Variants in AQP11 observed in about 807,000 individuals in gnomAD.
AQP11 encodes the protein aquaporin-11.
In AQP11, 20 loss-of-function variants were observed where a neutral mutation model predicts 21.1. The observed-to-expected ratio is 0.95, with a 90% CI of 0.67 to 1.38. AQP11 has a LOEUF of 1.38. Ranked by LOEUF, AQP11 falls within the 40% of genes most tolerant of loss-of-function variation. AQP11 has a pLI of 0.00. For missense variants in AQP11, 339 were observed against 340.4 expected (o/e 1.00, Z 0.03); for synonymous variants, 167 against 150.1 (o/e 1.11, Z -0.82).
At chr11:77,594,026 G>A (rs1263804427) in intron 1 of AQP11, among the ~76,000 whole-genome samples, 32 of 152,188 alleles carry the variant, frequency 2.1e-4, no homozygotes, top group Admixed American at 2.1e-3. Flanking sequence ...CATAGAGACA[G>A]AAAGTAGAAT....
chr11:77,603,768 G>A lies in AQP11; in HGVS notation c.736+96G>A, dbSNP rs1958829106. On this transcript the variant is annotated intron_variant, in intron 2 of 2. Coordinates refer to ENST00000313578, the MANE Select transcript of AQP11 (RefSeq NM_173039.3). ...TAACATGTCAATTTCCAAAGCCACA[G>A]CAGGCACAAAACAGAAAATGAAAAA... The A allele has an allele frequency of 6.8e-6, 6 of 880,178 alleles. No individual in the cohort carries two copies. In the South Asian group the frequency reaches 1.2e-4, roughly 18 times the overall value. The allele number at this position is 880,178 out of a possible 1,614,324, so 54.5% of individuals were successfully genotyped here. A position where few individuals can be genotyped will look rare whatever the true frequency, so the allele number is the denominator to read the frequency against.
intron 1 of AQP11, among the ~76,000 whole-genome samples, chr11:77,596,537 A>ATATATATATATAT (rs1958782852): frequency 4.6e-5 from 4 of 86,572 alleles, no homozygotes; most frequent in Admixed American, 1.4e-4. Flanking sequence ...TATATATGTA[A>ATATATATATATAT]ATATATATAT....
At chr11:77,604,119 T>G (rs1234446351) in intron 2 of AQP11, among the ~76,000 whole-genome samples, 4 of 152,212 alleles carry the variant, frequency 2.6e-5, no homozygotes, top group African/African-American at 4.8e-5. Context: ...GTTTTTGTTT[T>G]GTTTTTTTTC....
chr11:77,591,446 T>C lies in AQP11; in HGVS notation c.619+835T>C, dbSNP rs530337450. 4.7e-5 allele frequency: 24 copies of C among 510,772 alleles called. No individual in the cohort carries two copies. The East Asian group carries it at 3.6e-3, about 77-fold the overall frequency. 31.6% of individuals were successfully genotyped at this position (510,772 alleles called of 1,614,324 possible). A position where few individuals can be genotyped will look rare whatever the true frequency, so the allele number is the denominator to read the frequency against. On this transcript the variant is annotated intron_variant, in intron 1 of 2. Coordinates refer to ENST00000313578, the MANE Select transcript of AQP11 (RefSeq NM_173039.3). ...GGACTACATCTAAATTATAAAAGAC[T>C]GTGGAGGCAGAAATAACAACAAAGG...
At chr11:77,591,445 CTG>C (rs1958747010) in intron 1 of AQP11, 1 of 513,126 alleles carries the variant, frequency 1.9e-6, no homozygotes, top group Non-Finnish European at 2.5e-6. Context: ...TTATAAAAGA[CTG>C]TGGAGGCAGA....
At chr11:77,592,393 GA>G (rs1390519390) in intron 1 of AQP11, among the ~76,000 whole-genome samples, 1 of 152,182 alleles carries the variant, frequency 6.6e-6, no homozygotes, top group Non-Finnish European at 1.5e-5. Flanking sequence ...CCCTGTATAT[GA>G]ACAGAATTGT....
At chr11:77,600,213 C>T (rs1958807892) in intron 1 of AQP11, among the ~76,000 whole-genome samples, 1 of 151,576 alleles carries the variant, frequency 6.6e-6, no homozygotes, top group African/African-American at 2.4e-5. Flanking sequence ...AGGCGATACA[C>T]CCACCTCGCC....
intron 2 of AQP11, among the ~76,000 whole-genome samples, chr11:77,607,617 G>T (rs1255362472): frequency 1.3e-5 from 2 of 151,974 alleles, no homozygotes; most frequent in Non-Finnish European, 2.9e-5. Context: ...TGTATATGTG[G>T]CCTGGTGTAG....
chr11:77,591,252 A>AT, intron 1 of AQP11: 1 of 972,046 alleles, frequency 1.0e-6, no homozygotes, highest in East Asian at 1.1e-4. Context: ...TGCTTTTTAA[A>AT]ATATAACTCT....
chr11:77,607,220 A>G (rs1451393188), intron 2 of AQP11, among the ~76,000 whole-genome samples: 1 of 152,246 alleles, frequency 6.6e-6, no homozygotes, highest in Non-Finnish European at 1.5e-5. Flanking sequence ...AATTGGCTCC[A>G]AATGAAATAA....
Position 77,609,048 on chromosome 11 carries a change from GTGTTTAAGGA to G in AQP11, c.737-248_737-239del, listed in dbSNP as rs1958862337. On this transcript the variant is annotated intron_variant, in intron 2 of 2. Transcript: ENST00000313578. ...CTATTGGTTTTACCAAATGCATACT[GTGTTTAAGGA>G]TTCACAGTTGAAGAAAAAATAATCT... 6.6e-5 allele frequency among the ~76,000 whole-genome samples: 10 copies of G among 152,264 alleles called. No homozygotes were observed. The South Asian group carries it at 2.1e-3, about 32-fold the overall frequency.
intron 1 of AQP11, among the ~76,000 whole-genome samples, chr11:77,591,584 C>T (rs1958748200): frequency 6.6e-6 from 1 of 152,134 alleles, no homozygotes; most frequent in Non-Finnish European, 1.5e-5. Flanking sequence ...AAATGAAAGC[C>T]TTCAGCCGGG....
chr11:77,604,444 C>T (rs974987801), intron 2 of AQP11, among the ~76,000 whole-genome samples: 3 of 152,174 alleles, frequency 2.0e-5, no homozygotes, highest in Non-Finnish European at 4.4e-5. Context: ...TTTTGCATTA[C>T]GTATATAAAG....
chr11:77,593,051 A>C (rs1360246670), intron 1 of AQP11, among the ~76,000 whole-genome samples: 1 of 152,264 alleles, frequency 6.6e-6, no homozygotes, highest in Non-Finnish European at 1.5e-5. Context: ...GGCTGTTTAC[A>C]CTTAAATTAA....
At chr11:77,600,631 A>G (rs1030725405) in intron 1 of AQP11, among the ~76,000 whole-genome samples, 25 of 152,220 alleles carry the variant, frequency 1.6e-4, no homozygotes, top group African/African-American at 6.0e-4. Context: ...AAAACACTGC[A>G]TGATATTCCA....
At chr11:77,598,488 T>C (rs10793257) in intron 1 of AQP11, among the ~76,000 whole-genome samples, 63,493 of 152,084 alleles carry the variant, frequency 0.42, 13,827 homozygotes, top group African/African-American at 0.53. Context: ...AAGCCATCTT[T>C]TGATAGTTCC....
intron 2 of AQP11, among the ~76,000 whole-genome samples, chr11:77,606,535 C>T (rs538158101): frequency 5.9e-5 from 9 of 152,214 alleles, no homozygotes; most frequent in South Asian, 2.1e-4. Context: ...AAAAAAAAGC[C>T]GAAATCTCTT....
intron 1 of AQP11, 50 bp from the exon 2 acceptor site, chr11:77,603,506 G>T: frequency 7.8e-7 from 1 of 1,276,328 alleles, no homozygotes; most frequent in Non-Finnish European, 1.1e-6. Context: ...CAGTTACAAG[G>T]AAATGGAAGA....
intron 1 of AQP11, among the ~76,000 whole-genome samples, chr11:77,598,729 T>C (rs574832319): frequency 1.3e-5 from 2 of 152,270 alleles, no homozygotes; most frequent in East Asian, 3.9e-4. Flanking sequence ...TTTGGGTTTT[T>C]CTTGAGATGG....
Sources: allele counts gnomAD v4.1 joint callset (sites outside exome capture counted in the v4.1 genomes callset), GRCh38; gene constraint gnomAD v4.1.1; transcripts MANE v1.5; gene names NCBI Gene and HGNC (gene_info 2026-07-23, HGNC 2026-07-21).